The following IGSF3 variants were observed in gnomAD, a reference collection of about 807,000 sequenced individuals.
IGSF3 encodes immunoglobulin superfamily member 3.
Under a neutral mutation model 114.4 loss-of-function variants are expected in IGSF3, and 23 were observed. That is an observed-to-expected ratio of 0.20 (90% CI 0.14 to 0.28). IGSF3 has a LOEUF of 0.28. IGSF3 is among the 10% of genes least tolerant of loss of function. The pLI, the probability that IGSF3 is intolerant of heterozygous loss-of-function variation, is 1.00. For missense variants in IGSF3, 1,172 were observed against 1,591.5 expected, an observed-to-expected ratio of 0.74 and a Z score of 4.48; for synonymous variants, 571 against 645.2, an observed-to-expected ratio of 0.88 and a Z score of 1.74.
chr1:116,621,169 G>A (rs1372095006), intron 2 of IGSF3, among the ~76,000 whole-genome samples: 5 of 152,094 alleles, frequency 3.3e-5, no homozygotes, highest in South Asian at 2.1e-4. Context: ...CGTAAGGCGC[G>A]CCTGCTTCCC....
Position 116,596,661 on chromosome 1 carries a change from A to G in IGSF3, c.2029+3280T>C, listed in dbSNP as rs368744336. ...ATTAAATACAAGTATACAGTACCAA[A>G]GAGGATTCCTGAGAAGAAAAACACT... On this transcript the variant is annotated intron_variant, in intron 7 of 10. Transcript: ENST00000369486. This position sits in a 1 kb window ranked among gnomAD's most constrained non-coding sequence, Gnocchi z 4.1. Among the ~76,000 whole-genome samples, 186 of 152,348 alleles carry G rather than the reference A, an allele frequency of 1.2e-3. 3 individuals carry two copies. In the South Asian group the frequency reaches 0.03, roughly 25 times the overall value.
rs1055052177 is a variant in IGSF3, at chr1:116,665,767, T to C, written c.43+517A>G. Among the ~76,000 whole-genome samples, 1 of 152,200 alleles carries C rather than the reference T, an allele frequency of 6.6e-6. No individual in the cohort carries two copies. Among genetic ancestry groups the C allele is most frequent in the East Asian group, 1.9e-4 (1 of 5,200 alleles). On this transcript the variant is annotated intron_variant, in intron 2 of 10. Transcript: ENST00000369486. The surrounding 1 kb of genome is among the most constrained non-coding windows in gnomAD (Gnocchi z 4.0). Reference sequence around the variant, plus strand: ...CACAGGACTAGTGCCCTCACATTTTTAGCCTTCAGACCACTCAGGTAGGCA... The same window carrying C: ...CACAGGACTAGTGCCCTCACATTTTCAGCCTTCAGACCACTCAGGTAGGCA...
In IGSF3 at chr1:116,612,332, G is replaced by A. The variant is rs1327170181; in HGVS notation, c.832+1433C>T. ...GCTCCCTATCCCTACCAACCCCTAC[G>A]GTAAAAGATTTCACATCCATTAGAT... On this transcript the variant is annotated intron_variant, in intron 4 of 10. Coordinates refer to ENST00000369486, the MANE Select transcript of IGSF3 (RefSeq NM_001007237.3). This position sits in a 1 kb window ranked among gnomAD's most constrained non-coding sequence, Gnocchi z 4.1. Among the ~76,000 whole-genome samples, 3 of 151,942 alleles carry A rather than the reference G, an allele frequency of 2.0e-5. No individual in the cohort carries two copies. The highest frequency in any genetic ancestry group is 6.6e-5 in the Admixed American group (1 of 15,260).
Position 116,651,330 on chromosome 1 carries a change from T to C in IGSF3, c.43+14954A>G, listed in dbSNP as rs888086861. 1.1e-4 allele frequency among the ~76,000 whole-genome samples: 17 copies of C among 152,320 alleles called. No individual in the cohort carries two copies. Among genetic ancestry groups the C allele is most frequent in the African/African-American group, 4.1e-4 (17 of 41,570 alleles). On this transcript the variant is annotated intron_variant, in intron 2 of 10. Transcript: ENST00000369486. This position sits in a 1 kb window ranked among gnomAD's most constrained non-coding sequence, Gnocchi z 4.4. Reference sequence around the variant, plus strand: ...TTCCAGCATACTCTTCCCAGGTTCTTTGGGCTACTGACAAGCACTCCAGAC... The same window carrying C: ...TTCCAGCATACTCTTCCCAGGTTCTCTGGGCTACTGACAAGCACTCCAGAC...
chr1:116,647,510 T>TG lies in IGSF3; in HGVS notation c.43+18773dup, dbSNP rs1395505335. ...ACCACCATTTATTGAGCCCTTACTA[T>TG]GTGCCAGACCGATGCTAAGTGCTTT... On this transcript the variant is annotated intron_variant, in intron 2 of 10. Coordinates refer to ENST00000369486, the MANE Select transcript of IGSF3 (RefSeq NM_001007237.3). The surrounding 1 kb of genome is among the most constrained non-coding windows in gnomAD (Gnocchi z 4.6). Among the ~76,000 whole-genome samples, 1 of 152,262 alleles carries TG rather than the reference T, an allele frequency of 6.6e-6. No individual in the cohort carries two copies. The highest frequency in any genetic ancestry group is 1.5e-5 in the Non-Finnish European group (1 of 68,046).
chr1:116,619,447 A>T (rs1661339947), intron 2 of IGSF3, among the ~76,000 whole-genome samples: 1 of 152,220 alleles, frequency 6.6e-6, no homozygotes, highest in African/African-American at 2.4e-5. Flanking sequence ...ACAAATAACT[A>T]CTGGATTGCA....
At chr1:116,599,531 G>A (rs545208435) in intron 7 of IGSF3, among the ~76,000 whole-genome samples, 1 of 152,308 alleles carries the variant, frequency 6.6e-6, no homozygotes, top group East Asian at 1.9e-4. Flanking sequence ...AAAATAAAGG[G>A]CATGACTGGG....
At position 116,634,718 on chromosome 1, in the gene IGSF3, A is replaced by C. The variant is rs1647741137; in HGVS notation, c.44-18261T>G. Among the ~76,000 whole-genome samples, 1 of 152,088 alleles carries C rather than the reference A, an allele frequency of 6.6e-6. No homozygotes were observed. Among genetic ancestry groups the C allele is most frequent in the Non-Finnish European group, 1.5e-5 (1 of 68,010 alleles). On this transcript the variant is annotated intron_variant, in intron 2 of 10. Transcript: ENST00000369486. The surrounding 1 kb of genome is among the most constrained non-coding windows in gnomAD (Gnocchi z 4.2). ...GACACTCCTTCCATCGAGAGGGCAGAACCTGTGTTTCCTCTCCCTGAATCT... is the reference window on the plus strand; with the variant it reads ...GACACTCCTTCCATCGAGAGGGCAGCACCTGTGTTTCCTCTCCCTGAATCT...
In IGSF3 at chr1:116,661,984, G is replaced by A. The variant is rs1347853461; in HGVS notation, c.43+4300C>T. Among the ~76,000 whole-genome samples, 1 of 152,118 alleles carries A rather than the reference G, an allele frequency of 6.6e-6. No homozygotes were observed. Among genetic ancestry groups the A allele is most frequent in the African/African-American group, 2.4e-5 (1 of 41,406 alleles). The stretch of plus-strand genomic sequence containing the variant: ...TAGAAGAGTCATCTTGGACCATGAA[G>A]TCATCTTGGGAATAGAGAGCATGCA... On this transcript the variant is annotated intron_variant, in intron 2 of 10. Coordinates refer to ENST00000369486, the MANE Select transcript of IGSF3 (RefSeq NM_001007237.3). This position sits in a 1 kb window ranked among gnomAD's most constrained non-coding sequence, Gnocchi z 4.0.
Position 116,586,531 on chromosome 1 carries a change from G to A in IGSF3, c.2441-1479C>T, listed in dbSNP as rs576676752. 3.3e-5 allele frequency among the ~76,000 whole-genome samples: 5 copies of A among 152,224 alleles called. No homozygotes were observed. The East Asian group carries it at 9.7e-4, about 29-fold the overall frequency. On this transcript the variant is annotated intron_variant, in intron 8 of 10. Transcript: ENST00000369486. ...AGAAACGAGGAAAGCTGTTTTACTC[G>A]GTGTCCTCTGAGTTCCATGTTTACG...
chr1:116,600,599 C>T lies in IGSF3; in HGVS notation c.1625-254G>A, dbSNP rs1214097125. 6.6e-6 allele frequency among the ~76,000 whole-genome samples: 1 copy of T among 152,162 alleles called. No individual in the cohort carries two copies. Among genetic ancestry groups the T allele is most frequent in the South Asian group, 2.1e-4 (1 of 4,830 alleles). On this transcript the variant is annotated intron_variant, in intron 6 of 10. Transcript: ENST00000369486. The surrounding 1 kb of genome is among the most constrained non-coding windows in gnomAD (Gnocchi z 5.5). Reference sequence around the variant, plus strand: ...GCCTAACCCTTCCCAGTGAGATCCTCGTGCATTTGCTCCTCCCCTGGAATT... The same window carrying T: ...GCCTAACCCTTCCCAGTGAGATCCTTGTGCATTTGCTCCTCCCCTGGAATT...
intron 2 of IGSF3, among the ~76,000 whole-genome samples, chr1:116,630,371 T>C (rs1647502299): frequency 6.6e-6 from 1 of 152,212 alleles, no homozygotes; most frequent in South Asian, 2.1e-4. Context: ...AAGGACTGAG[T>C]GCCTGCTGAA....
rs2101414132 is a variant in IGSF3 at position 116,598,179 on chromosome 1, C to A, written c.2029+1762G>T. ...ATGTCAGACAAGGTCTTGAGGTCAG[C>A]AACTCCTCTACCTTCTACAGCTGCA... On this transcript the variant is annotated intron_variant, in intron 7 of 10. Coordinates refer to ENST00000369486, the MANE Select transcript of IGSF3 (RefSeq NM_001007237.3). This position sits in a 1 kb window ranked among gnomAD's most constrained non-coding sequence, Gnocchi z 4.3. 6.6e-6 allele frequency among the ~76,000 whole-genome samples: 1 copy of A among 152,242 alleles called. No homozygotes were observed. Among genetic ancestry groups the A allele is most frequent in the East Asian group, 1.9e-4 (1 of 5,174 alleles).
rs1044553007 is a variant in IGSF3, at chr1:116,657,728, G to A, written c.43+8556C>T. 2.2e-4 allele frequency among the ~76,000 whole-genome samples: 33 copies of A among 152,138 alleles called. No individual in the cohort carries two copies. The highest frequency in any genetic ancestry group is 7.2e-4 in the African/African-American group (30 of 41,432). On this transcript the variant is annotated intron_variant, in intron 2 of 10. Transcript: ENST00000369486. This position sits in a 1 kb window ranked among gnomAD's most constrained non-coding sequence, Gnocchi z 4.2. ...CCACAGGTGTACCCAGTGCCCTGCC[G>A]AGAGCAGAGACAGTGTTCTCAGAGT...
At chr1:116,606,521 T>G in intron 5 of IGSF3, 3 of 1,305,078 alleles carry the variant, frequency 2.3e-6, no homozygotes, top group Non-Finnish European at 3.3e-6. Flanking sequence ...GAGCTGGTGG[T>G]GCTGGGGGAC....
In IGSF3 at chr1:116,612,250, A is replaced by AT. The variant is rs1294034579; in HGVS notation, c.832+1514dup. ...ATATAAAATAAAGCCCCTTGGATAG[A>AT]TTTTTTAATATTGAAAGATCCAGAA... is the stretch of plus-strand genomic sequence containing the variant. On this transcript the variant is annotated intron_variant, in intron 4 of 10. Transcript: ENST00000369486. The surrounding 1 kb of genome is among the most constrained non-coding windows in gnomAD (Gnocchi z 4.1). Among the ~76,000 whole-genome samples, 2 of 152,220 alleles carry AT rather than the reference A, an allele frequency of 1.3e-5. No homozygotes were observed. The highest frequency in any genetic ancestry group is 6.5e-5 in the Admixed American group (1 of 15,292).
rs1208082221 is a variant in IGSF3 at position 116,592,100 on chromosome 1, G to A, written c.2030-2996C>T. ...TCTTCCTGCTCAAAGTGCTGTTCTC[G>A]GACCAGCAGCACTGGGAGCTTGTTA... On this transcript the variant is annotated intron_variant, in intron 7 of 10. Transcript: ENST00000369486. The surrounding 1 kb of genome is among the most constrained non-coding windows in gnomAD (Gnocchi z 4.5). Among the ~76,000 whole-genome samples, 17 of 152,084 alleles carry A rather than the reference G, an allele frequency of 1.1e-4. No individual in the cohort carries two copies. The highest frequency in any genetic ancestry group is 5.8e-4 in the East Asian group (3 of 5,190).
chr1:116,643,878 G>C (rs1478662997), intron 2 of IGSF3, among the ~76,000 whole-genome samples: 2 of 152,216 alleles, frequency 1.3e-5, no homozygotes, highest in Non-Finnish European at 2.9e-5. Flanking sequence ...GGGCAGGAAA[G>C]CAGAGCTTCC....
chr1:116,659,660 G>A (rs1649030241), intron 2 of IGSF3, among the ~76,000 whole-genome samples: 1 of 152,080 alleles, frequency 6.6e-6, no homozygotes, highest in Non-Finnish European at 1.5e-5. Context: ...GGCCACCCAG[G>A]CTAGAGTGCA....
Sources: allele counts gnomAD v4.1 joint callset (sites outside exome capture counted in the v4.1 genomes callset), GRCh38; gene constraint gnomAD v4.1.1; non-coding constraint Gnocchi (gnomAD v3.1); transcripts MANE v1.5; gene names NCBI Gene and HGNC (gene_info 2026-07-23, HGNC 2026-07-21).